Variants in TBC1D8B observed in about 807,000 individuals in gnomAD.
TBC1D8B encodes RP11-321G1.1.
In TBC1D8B, 75 loss-of-function variants were observed where a neutral mutation model predicts 82.9. The ratio of observed to expected loss-of-function variants is 0.90; its 90% CI spans 0.75 to 1.10. The LOEUF (loss-of-function observed/expected upper bound fraction) is 1.10. Ranked by LOEUF, TBC1D8B falls within the 50% of genes least tolerant of loss-of-function variation. The probability of loss-of-function intolerance (pLI) is 0.00; values close to 1 mark genes in which losing one functional copy is unlikely to be tolerated. For missense variants in TBC1D8B, 794 were observed against 796.9 expected (o/e 1.00, Z 0.04); for synonymous variants, 276 against 276.8 (o/e 1.00, Z 0.03).
Position 106,827,284 on chromosome X carries a change from C to G in TBC1D8B, c.1150C>G (p.Leu384Val), listed in dbSNP as rs750597893. Residue 384 changes from leucine to valine, a missense_variant, in exon 7 of 21, where the codon CTC (leucine) becomes GTC (valine). Transcript: ENST00000357242. Reference protein sequence around the residue: ...VKDFEQLVAKLRLRCGAASTQ... With the variant: ...VKDFEQLVAKVRLRCGAASTQ... ...AGACTTTGAACAACTGGTAGCAAAA[C>G]TCAGGCTCAGATGCGGAGCAGCTTC... 8.3e-7 allele frequency: 1 copy of G among 1,209,473 alleles called. No homozygotes were observed. Among genetic ancestry groups the G allele is most frequent in the South Asian group, 1.8e-5 (1 of 56,780 alleles).
At chrX:106,840,954 A>C in intron 10 of TBC1D8B, 70 bp downstream of exon 10, 2 of 979,839 alleles carry the variant, frequency 2.0e-6, no homozygotes, top group Non-Finnish European at 2.9e-6. Flanking sequence ...AATTCCACTA[A>C]TTTGGAAGTG....
In TBC1D8B at chrX:106,815,904, C is replaced by G. The variant is rs181927578; in HGVS notation, c.131-2759C>G. 2.8e-3 allele frequency: 309 copies of G among 111,190 alleles called. 1 individual carries two copies. Among genetic ancestry groups the G allele is most frequent in the African/African-American group, 9.7e-3 (296 of 30,636 alleles). The allele number at this position is 111,190 out of a possible 1,213,427, so 9.2% of individuals were successfully genotyped here. A position where few individuals can be genotyped will look rare whatever the true frequency, so the allele number is the denominator to read the frequency against. On this transcript the variant is annotated intron_variant, in intron 1 of 20. Coordinates refer to ENST00000357242, the MANE Select transcript of TBC1D8B (RefSeq NM_017752.3). ...CTCAATAAATTAGGTATTGATGGGT[C>G]GTATCTTAAAATAATAAGAGCTATC...
rs773339487 is a variant in TBC1D8B, at chrX:106,823,313, A to C, written c.674A>C (p.Gln225Pro). 4 of 1,210,429 alleles carry C rather than the reference A, an allele frequency of 3.3e-6. No individual in the cohort carries two copies. Among genetic ancestry groups the C allele is most frequent in the Non-Finnish European group, 4.5e-6 (4 of 894,686 alleles). ...ILTESIHVCS[Q>P]GENHYFSMFL... The stretch of plus-strand genomic sequence containing the variant: ...ACAGAGAGTATTCACGTGTGTTCCC[A>C]AGGAGAGAATCACTACTTTTCAATG... Residue 225 changes from glutamine to proline, a missense_variant, in exon 5 of 21, where the codon CAA (glutamine) becomes CCA (proline). Physicochemically the swap from Gln to Pro is moderately conservative, Grantham distance 76. Coordinates refer to ENST00000357242, the MANE Select transcript of TBC1D8B (RefSeq NM_017752.3).
chrX:106,809,537 G>A (rs559601947), intron 1 of TBC1D8B, among the ~76,000 whole-genome samples: 39 of 110,520 alleles, frequency 3.5e-4, no homozygotes, highest in Middle Eastern at 4.7e-3. Context: ...GAGAGAAATA[G>A]GGTGGTAGCT....
intron 10 of TBC1D8B, among the ~76,000 whole-genome samples, chrX:106,846,081 T>TTCTC (rs1392367284): frequency 4.8e-5 from 5 of 104,080 alleles, no homozygotes; most frequent in African/African-American, 1.8e-4. Flanking sequence ...TCTTTCTTTT[T>TTCTC]TCTCTCTCTC....
At position 106,854,311 on chromosome X, in the gene TBC1D8B, A is replaced by G; in HGVS notation, c.2352+15A>G. On this transcript the variant is annotated intron_variant, in intron 14 of 20. Coordinates refer to ENST00000357242, the MANE Select transcript of TBC1D8B (RefSeq NM_017752.3). ...AACAGAATGTGGTAAGTATGCAACC[A>G]ATGAGGAAAAACCAGTTGGAGTAAT... 9.3e-7 allele frequency: 1 copy of G among 1,077,349 alleles called. No homozygotes were observed. The highest frequency in any genetic ancestry group is 1.2e-6 in the Non-Finnish European group (1 of 805,559). 88.8% of individuals were successfully genotyped at this position (1,077,349 alleles called of 1,213,427 possible). A position where few individuals can be genotyped will look rare whatever the true frequency, so the allele number is the denominator to read the frequency against.
At position 106,849,220 on chromosome X, in the gene TBC1D8B, A is replaced by AT. The variant is rs761948032; in HGVS notation, c.1838-783dup. 8,961 of 867,311 alleles carry AT rather than the reference A, an allele frequency of 0.01. 39 individuals carry two copies. Among genetic ancestry groups the AT allele is most frequent in the African/African-American group, 0.031 (1,123 of 35,989 alleles). 71.5% of individuals were successfully genotyped at this position (867,311 alleles called of 1,213,427 possible). ...TGTCTTTCATTATAATTATTTGTGT[A>AT]TTTTTTTTTTTTTTTTTTTTTTAGG... On this transcript the variant is annotated intron_variant, in intron 11 of 20. Coordinates refer to ENST00000357242, the MANE Select transcript of TBC1D8B (RefSeq NM_017752.3).
At chrX:106,848,068 A>G (rs1337952735) in intron 10 of TBC1D8B, 118 bp from the exon 11 acceptor site, 9 of 426,964 alleles carry the variant, frequency 2.1e-5, no homozygotes, top group Non-Finnish European at 3.1e-5. Flanking sequence ...TTCCACTGTT[A>G]TTACACTATT....
Position 106,854,656 on chromosome X carries a change from T to C in TBC1D8B, c.2352+360T>C, listed in dbSNP as rs568526722. On this transcript the variant is annotated intron_variant, in intron 14 of 20. Transcript: ENST00000357242. Reference sequence around the variant, plus strand: ...AGCCTACCGAGGAGCTGGGACTACATGCACACACCACCATGCCTGGCTAAT... The same window carrying C: ...AGCCTACCGAGGAGCTGGGACTACACGCACACACCACCATGCCTGGCTAAT... Among the ~76,000 whole-genome samples the C allele has an allele frequency of 1.3e-4, 14 of 110,037 alleles. No homozygotes were observed. The South Asian group carries it at 1.6e-3, about 13-fold the overall frequency.
chrX:106,868,090 T>G (rs1369398998), intron 17 of TBC1D8B, among the ~76,000 whole-genome samples: 1 of 110,388 alleles, frequency 9.1e-6, no homozygotes, highest in East Asian at 2.8e-4. Flanking sequence ...AAATGCCAGA[T>G]TTAAACAATT....
Position 106,829,227 on chromosome X carries a change from A to T in TBC1D8B, c.1203+1890A>T, listed in dbSNP as rs1371263734. ...AAGAGAATAGAATACCTAGGAATCCAACTTACAAGGGATGTGAAGGACCTC... is the reference window on the plus strand; with the variant it reads ...AAGAGAATAGAATACCTAGGAATCCTACTTACAAGGGATGTGAAGGACCTC... On this transcript the variant is annotated intron_variant, in intron 7 of 20. Coordinates refer to ENST00000357242, the MANE Select transcript of TBC1D8B (RefSeq NM_017752.3). 21 of 108,215 alleles carry T rather than the reference A, an allele frequency of 1.9e-4. No individual in the cohort carries two copies. The East Asian group carries it at 2.6e-3, about 13-fold the overall frequency. 8.9% of individuals were successfully genotyped at this position (108,215 alleles called of 1,213,427 possible).
At chrX:106,867,260 G>A (rs1253632849) in intron 17 of TBC1D8B, among the ~76,000 whole-genome samples, 1 of 111,390 alleles carries the variant, frequency 9.0e-6, no homozygotes, top group Non-Finnish European at 1.9e-5. Context: ...AAGGAAGCAG[G>A]GATATTAAAT....
chrX:106,823,286 TGACA>T lies in TBC1D8B; in HGVS notation c.650_653del (p.Thr217ArgfsTer82). 8.3e-7 allele frequency: 1 copy of T among 1,209,751 alleles called. No individual in the cohort carries two copies. Among genetic ancestry groups the T allele is most frequent in the Non-Finnish European group, 1.1e-6 (1 of 894,131 alleles). On this transcript the variant is annotated frameshift_variant, in exon 5 of 21. Coordinates refer to ENST00000357242, the MANE Select transcript of TBC1D8B (RefSeq NM_017752.3). LOFTEE classifies it high-confidence loss of function. ...CTTGAAAAGACTTCAAATGTCATAC[TGACA>T]GAGAGTATTCACGTGTGTTCCCAAG...
chrX:106,873,252 C>A lies in TBC1D8B; in HGVS notation c.2968-318C>A, dbSNP rs977295099. Among the ~76,000 whole-genome samples, 27 of 111,122 alleles carry A rather than the reference C, an allele frequency of 2.4e-4. 1 individual carries two copies. Among genetic ancestry groups the A allele is most frequent in the Non-Finnish European group, 4.5e-4 (24 of 52,985 alleles). On this transcript the variant is annotated intron_variant, in intron 20 of 20. Coordinates refer to ENST00000357242, the MANE Select transcript of TBC1D8B (RefSeq NM_017752.3). The stretch of plus-strand genomic sequence containing the variant: ...AGCTGGGATTACAGGTGCCTGCCAC[C>A]ACGCCCAGCTAATTTTTTGTATTTT...
rs902055443 is a variant in TBC1D8B at position 106,876,041 on chromosome X, G to A, written c.*2076G>A. ...TTCATAATATTAAAAATCTTACGTA[G>A]TTGTGTTAAACTGAACCAGTTCATT... On this transcript the variant is annotated 3_prime_UTR_variant, in exon 21 of 21. Coordinates refer to ENST00000357242, the MANE Select transcript of TBC1D8B (RefSeq NM_017752.3). 9.0e-6 allele frequency: 1 copy of A among 111,413 alleles called. No individual in the cohort carries two copies. The highest frequency in any genetic ancestry group is 9.6e-5 in the Admixed American group (1 of 10,457). 9.2% of individuals were successfully genotyped at this position (111,413 alleles called of 1,213,427 possible). A position where few individuals can be genotyped will look rare whatever the true frequency, so the allele number is the denominator to read the frequency against.
intron 14 of TBC1D8B, among the ~76,000 whole-genome samples, chrX:106,862,788 T>TTTTTTTTTTTTTTTTG (rs1932786727): frequency 2.1e-5 from 2 of 95,684 alleles, no homozygotes; most frequent in Non-Finnish European, 4.2e-5. Context: ...TTTTTTTTTT[T>TTTTTTTTTTTTTTTTG]TTTTTTTTTT....
At chrX:106,839,238 A>T in intron 7 of TBC1D8B, 70 bp from the exon 8 acceptor site, 1 of 1,036,375 alleles carries the variant, frequency 9.6e-7, no homozygotes, top group Non-Finnish European at 1.3e-6. Flanking sequence ...ATAACAGTAA[A>T]CATTAGAACT....
rs1437191841 is a variant in TBC1D8B, at chrX:106,802,958, G to A, written c.105G>A (p.Gly35=). 5.0e-6 allele frequency: 6 copies of A among 1,208,212 alleles called. No homozygotes were observed. The East Asian group carries it at 1.2e-4, about 24-fold the overall frequency. Residue 35 remains glycine (G), a synonymous_variant, in exon 1 of 21, where the codon GGG becomes GGA. Transcript: ENST00000357242. ...TGCTGCAGCGGCGTCGGGGCTACGG[G>A]GAGGAAGGCGGAGGGGGGCTCACAG... ...YFVLQRRRGY[G]EEGGGGLTGL...
In TBC1D8B at chrX:106,826,232, C is replaced by T. The variant is rs749688361; in HGVS notation, c.1030C>T (p.Arg344Ter). Residue 344 changes from arginine to a stop codon, truncating the protein, a stop_gained, in exon 6 of 21, where the codon CGA becomes TGA. Transcript: ENST00000357242. LOFTEE classifies it high-confidence loss of function. ...TCAGTGTAGTGTAATCATTCCACTA[C>T]GAGAGGTAATGTAAATTTGGTTACA... is the stretch of plus-strand genomic sequence containing the variant. The part of the protein sequence containing the change: ...GNQCSVIIPL[R>*]EVLAIDKTND... 22 of 1,200,931 alleles carry T rather than the reference C, an allele frequency of 1.8e-5. No homozygotes were observed. The highest frequency in any genetic ancestry group is 2.3e-4 in the Middle Eastern group (1 of 4,320).
Sources: gnomAD v4.1 joint callset for allele counts (sites outside exome capture counted in the v4.1 genomes callset) on GRCh38, gnomAD v4.1.1 for gene constraint, MANE v1.5 for transcripts, NCBI Gene and HGNC (gene_info 2026-07-23, HGNC 2026-07-21) for gene names.